CNTN5: variants seen among roughly 807,000 people sequenced by gnomAD.
CNTN5 encodes contactin 5, also known as contactin-5.
CNTN5 carries 77 observed loss-of-function variants against 129.1 expected under a neutral mutation model. The ratio of observed to expected loss-of-function variants is 0.60; its 90% CI spans 0.50 to 0.72. The LOEUF is 0.72. CNTN5 is among the 30% of genes least tolerant of loss of function. The pLI, the probability that CNTN5 is intolerant of heterozygous loss-of-function variation, is 0.00. For synonymous variants in CNTN5, 509 were observed against 465.6 expected, an observed-to-expected ratio of 1.09 and a Z score of -1.20; for missense variants, 1,478 against 1,328.8, an observed-to-expected ratio of 1.11 and a Z score of -1.75.
chr11:99,863,954 T>C (rs1350410601), intron 6 of CNTN5, among the ~76,000 whole-genome samples: 1 of 152,148 alleles, frequency 6.6e-6, no homozygotes, highest in African/African-American at 2.4e-5. Flanking sequence ...GTTGTTTTCT[T>C]ATCCGTAATT....
intron 13 of CNTN5, among the ~76,000 whole-genome samples, chr11:100,081,455 G>A (rs1042952673): frequency 2.6e-5 from 4 of 152,094 alleles, no homozygotes; most frequent in Admixed American, 6.6e-5. Flanking sequence ...TTCAGAAATT[G>A]CATCTTACTA....
intron 3 of CNTN5, among the ~76,000 whole-genome samples, chr11:99,661,935 TATC>T (rs1952608069): frequency 1.3e-5 from 2 of 152,058 alleles, no homozygotes; most frequent in African/African-American, 4.8e-5. Flanking sequence ...AGTAATAAAA[TATC>T]ATACATATAG....
At chr11:99,323,908 G>A (rs928203772) in intron 1 of CNTN5, among the ~76,000 whole-genome samples, 4 of 152,062 alleles carry the variant, frequency 2.6e-5, no homozygotes, top group African/African-American at 9.7e-5. Context: ...AGGAAAAGAG[G>A]GAAGGAGGAA....
At chr11:99,551,193 A>G (rs1948469174) in intron 2 of CNTN5, among the ~76,000 whole-genome samples, 1 of 152,134 alleles carries the variant, frequency 6.6e-6, no homozygotes, top group African/African-American at 2.4e-5. Flanking sequence ...TTCCACCAGA[A>G]TCTTTATAAT....
At chr11:99,892,972 G>A (rs566233397) in intron 6 of CNTN5, among the ~76,000 whole-genome samples, 43 of 152,080 alleles carry the variant, frequency 2.8e-4, no homozygotes, top group Admixed American at 5.9e-4. Flanking sequence ...ATGAAATGAA[G>A]CAATATAACT....
At chr11:100,185,281 T>A (rs779443317) in intron 13 of CNTN5, among the ~76,000 whole-genome samples, 1 of 152,080 alleles carries the variant, frequency 6.6e-6, no homozygotes, top group Non-Finnish European at 1.5e-5. Flanking sequence ...TCTCTCAACT[T>A]CCCTAAGTCT....
chr11:100,237,449 C>T (rs1022592471), intron 16 of CNTN5, among the ~76,000 whole-genome samples: 1 of 152,130 alleles, frequency 6.6e-6, no homozygotes, highest in Non-Finnish European at 1.5e-5. Flanking sequence ...CTGAACAATA[C>T]AAAATCCATG....
intron 3 of CNTN5, among the ~76,000 whole-genome samples, chr11:99,809,313 A>G (rs1005470350): frequency 2.6e-5 from 4 of 152,148 alleles, no homozygotes; most frequent in African/African-American, 4.8e-5. Flanking sequence ...TTGAAATTCC[A>G]TGATTATAAA....
At chr11:99,530,456 A>C (rs2135465569) in intron 2 of CNTN5, among the ~76,000 whole-genome samples, 1 of 143,022 alleles carries the variant, frequency 7.0e-6, no homozygotes, top group South Asian at 2.3e-4. Context: ...TATGTGATAC[A>C]CTTTTAGTCT....
chr11:99,809,460 TTAAA>T (rs1946367753), intron 3 of CNTN5, among the ~76,000 whole-genome samples: 1 of 152,300 alleles, frequency 6.6e-6, no homozygotes, highest in Middle Eastern at 3.4e-3. Context: ...TCATTTCACG[TTAAA>T]TAAATTTTAA....
chr11:100,190,757 G>C (rs992168739), intron 13 of CNTN5, among the ~76,000 whole-genome samples: 1 of 149,824 alleles, frequency 6.7e-6, no homozygotes, highest in African/African-American at 2.5e-5. Flanking sequence ...TGACTTTTGA[G>C]GTCACTCTTG....
intron 7 of CNTN5, among the ~76,000 whole-genome samples, chr11:99,919,484 TC>T (rs1156355270): frequency 6.6e-6 from 1 of 152,204 alleles, no homozygotes. Context: ...CAGTAAAACT[TC>T]AAAAACTTTG....
chr11:99,911,659 A>G (rs1436065439), intron 6 of CNTN5, among the ~76,000 whole-genome samples: 1 of 151,796 alleles, frequency 6.6e-6, no homozygotes, highest in Non-Finnish European at 1.5e-5. Context: ...TTAGGGAATA[A>G]TTTTTGAAAT....
At chr11:99,686,991 C>A (rs1482835831) in intron 3 of CNTN5, among the ~76,000 whole-genome samples, 1 of 152,166 alleles carries the variant, frequency 6.6e-6, no homozygotes, top group Non-Finnish European at 1.5e-5. Context: ...CAGACTCTCA[C>A]AGAAACTGAG....
intron 2 of CNTN5, among the ~76,000 whole-genome samples, chr11:99,485,936 A>ATAAT (rs1945794062): frequency 6.6e-6 from 1 of 152,036 alleles, no homozygotes; most frequent in South Asian, 2.1e-4. Context: ...TCATGGACTA[A>ATAAT]TAATTACAAA....
chr11:99,153,324 C>A (rs1369243089), intron 1 of CNTN5, among the ~76,000 whole-genome samples: 2 of 151,946 alleles, frequency 1.3e-5, no homozygotes, highest in African/African-American at 4.8e-5. Flanking sequence ...AGGGTTTGTT[C>A]ATTCCTTTTA....
intron 6 of CNTN5, among the ~76,000 whole-genome samples, chr11:99,846,156 A>ACACACC (rs1947689579): frequency 6.6e-6 from 1 of 151,148 alleles, no homozygotes; most frequent in Non-Finnish European, 1.5e-5. Context: ...ACACACACAC[A>ACACACC]CACACGAATA....
At chr11:100,014,171 A>G (rs1478649036) in intron 9 of CNTN5, among the ~76,000 whole-genome samples, 1 of 152,116 alleles carries the variant, frequency 6.6e-6, no homozygotes, top group Non-Finnish European at 1.5e-5. Context: ...TATTATTTCA[A>G]TAACTTTGAA....
intron 6 of CNTN5, among the ~76,000 whole-genome samples, chr11:99,848,473 T>G (rs1300112881): frequency 6.6e-6 from 1 of 152,128 alleles, no homozygotes. Context: ...TTAATATATT[T>G]AATCGACTGA....
Sources: allele counts gnomAD v4.1 joint callset (sites outside exome capture counted in the v4.1 genomes callset), GRCh38; gene constraint gnomAD v4.1.1; transcripts MANE v1.5; gene names NCBI Gene and HGNC (gene_info 2026-07-23, HGNC 2026-07-21).